TFE3: variants seen among roughly 807,000 people sequenced by gnomAD.
TFE3 encodes transcription factor binding to IGHM enhancer 3, also known as transcription factor E3.
A neutral mutation model predicts 35.0 loss-of-function variants in TFE3; 5 were observed. The ratio of observed to expected loss-of-function variants is 0.14; its 90% CI spans 0.07 to 0.30. The LOEUF is 0.30. Among genes scored for constraint, TFE3 ranks in the 10% least tolerant of loss-of-function variants. TFE3 has a pLI of 1.00. For synonymous variants in TFE3, 211 were observed against 215.6 expected, an observed-to-expected ratio of 0.98 and a Z score of 0.18; for missense variants, 374 against 496.6, an observed-to-expected ratio of 0.75 and a Z score of 2.35.
At position 49,030,574 on chromosome X, in the gene TFE3, C is replaced by G. The variant is rs782638809; in HGVS notation, c.1312G>C (p.Gly438Arg). 8.3e-7 allele frequency: 1 copy of G among 1,208,219 alleles called. No individual in the cohort carries two copies. Among genetic ancestry groups the G allele is most frequent in the Non-Finnish European group, 1.1e-6 (1 of 894,413 alleles). ...QELELQAQIH[G>R]LPVPPTPGLL... ...CCTGGAGTGGGAGGTACTGGCAGGC[C>G]ATGGATCTGGGCCTGCAGTTCTAGT... Residue 438 changes from glycine to arginine, a missense_variant, in exon 10 of 10, where the codon GGC becomes CGC. Gly to Arg is a moderately radical substitution (Grantham distance 125). This residue lies in a region of TFE3 where 167 missense variants were observed against 297.2 expected (regional missense o/e 0.56). Coordinates refer to ENST00000315869, the MANE Select transcript of TFE3 (RefSeq NM_006521.6).
intron 8 of TFE3, 83 bp from the exon 9 acceptor site, chrX:49,031,627 G>C: frequency 1.9e-6 from 2 of 1,028,227 alleles, no homozygotes; most frequent in Non-Finnish European, 2.6e-6. Context: ...CACCAGGTGG[G>C]AGCCTCCCAC....
chrX:49,037,718 G>T, intron 5 of TFE3: 15 of 166,509 alleles, frequency 9.0e-5, no homozygotes, highest in South Asian at 1.9e-4. Context: ...AAAAAAAAAA[G>T]ATTATCATCT....
Position 49,030,469 on chromosome X carries a change from C to T in TFE3, c.1417G>A (p.Gly473Ser), listed in dbSNP as rs782004079. 6.6e-6 allele frequency: 8 copies of T among 1,211,728 alleles called. No homozygotes were observed. The South Asian group carries it at 1.4e-4, about 21-fold the overall frequency. Residue 473 changes from glycine to serine, a missense_variant, in exon 10 of 10, where the codon GGC (glycine) becomes AGC (serine). Gly to Ser is a moderately conservative substitution (Grantham distance 56, BLOSUM62 0). Transcript: ENST00000315869. ...QLDIEEEGRP[G>S]AATFHVGGGP... ...CCCCCTACATGGAACGTTGCTGCGC[C>T]TGGCCTGCCCTCCTCCTCAATGTCC... is the stretch of plus-strand genomic sequence containing the variant.
chrX:49,029,257 C>A lies in TFE3; in HGVS notation c.*901G>T, dbSNP rs1423799452. On this transcript the variant is annotated 3_prime_UTR_variant, in exon 10 of 10. Coordinates refer to ENST00000315869, the MANE Select transcript of TFE3 (RefSeq NM_006521.6). ...TGCCCAAGGGTGGGGGCCTCTCACT[C>A]CAGATATAGGTCTGGAAAATTCATC... The A allele has an allele frequency of 5.6e-6, 1 of 177,280 alleles. No individual in the cohort carries two copies. Among genetic ancestry groups the A allele is most frequent in the Non-Finnish European group, 1.1e-5 (1 of 92,949 alleles). The allele number at this position is 177,280 out of a possible 1,213,427, so 14.6% of individuals were successfully genotyped here.
chrX:49,040,344 G>A (rs2064754112), intron 2 of TFE3, 111 bp downstream of exon 2: 2 of 545,173 alleles, frequency 3.7e-6, no homozygotes, highest in Non-Finnish European at 3.0e-6. Flanking sequence ...CCTAGAAAAC[G>A]CAGGCTGGTG....
At chrX:49,035,458 G>A (rs1395226352) in intron 5 of TFE3, among the ~76,000 whole-genome samples, 1 of 79,473 alleles carries the variant, frequency 1.3e-5, no homozygotes, top group Non-Finnish European at 2.3e-5. Flanking sequence ...CCAGGCTGGA[G>A]GGCAGTGGCG....
chrX:49,030,493 C>T lies in TFE3; in HGVS notation c.1393G>A (p.Asp465Asn). ...CCTGGCCTGCCCTCCTCCTCAATGT[C>T]CAGCTGCTCTGGCTTGAGGCTGTCA... ...ASDSLKPEQL[D>N]IEEEGRPGAA... is the part of the protein sequence containing the mutation. Residue 465 changes from aspartate to asparagine, a missense_variant, in exon 10 of 10, where the codon GAC becomes AAC. This residue lies in a region of TFE3 where 117 missense variants were observed against 111.9 expected (regional missense o/e 1.05). Transcript: ENST00000315869. The T allele has an allele frequency of 8.3e-7, 1 of 1,211,763 alleles. No individual in the cohort carries two copies. The highest frequency in any genetic ancestry group is 1.1e-6 in the Non-Finnish European group (1 of 895,465).
intron 1 of TFE3, 53 bp from the exon 2 acceptor site, chrX:49,040,621 C>T (rs2064755470): frequency 1.2e-6 from 1 of 847,816 alleles, no homozygotes; most frequent in Non-Finnish European, 1.7e-6. Flanking sequence ...CCTTATTCCC[C>T]AGCCCTCCCC....
intron 8 of TFE3, chrX:49,032,153 G>A (rs2064702793): frequency 8.9e-6 from 1 of 112,200 alleles, no homozygotes; most frequent in Admixed American, 9.5e-5. Flanking sequence ...GGTCTGTTTT[G>A]TTCCCTCTGG....
In TFE3 at chrX:49,030,294, CCCTCCT is replaced by C. The variant is rs782080222; in HGVS notation, c.1586_1591del (p.Glu529_Glu530del). On this transcript the variant is annotated inframe_deletion, in exon 10 of 10. Transcript: ENST00000315869. ...ACCCCCCGACAGTCCTCCCACCACC[CCCTCCT>C]CCTCCTCCATCAGAATGTCCTCCAG... is the stretch of plus-strand genomic sequence containing the variant. The C allele has an allele frequency of 8.3e-7, 1 of 1,205,112 alleles. No individual in the cohort carries two copies. The highest frequency in any genetic ancestry group is 1.1e-6 in the Non-Finnish European group (1 of 891,291).
chrX:49,034,954 G>GTT (rs113642613), intron 5 of TFE3, among the ~76,000 whole-genome samples: 139 of 102,011 alleles, frequency 1.4e-3, no homozygotes, highest in South Asian at 2.2e-3. Context: ...TGTCAGCCTA[G>GTT]TTTTTTTTTT....
intron 8 of TFE3, among the ~76,000 whole-genome samples, chrX:49,032,537 T>G (rs1460035191): frequency 9.0e-6 from 1 of 110,534 alleles, no homozygotes; most frequent in Non-Finnish European, 1.9e-5. Flanking sequence ...CACGCCCCGC[T>G]AATTTTTATA....
chrX:49,033,360 A>T, intron 8 of TFE3, 105 bp downstream of exon 8: 1 of 724,696 alleles, frequency 1.4e-6, no homozygotes, highest in East Asian at 3.3e-5. Flanking sequence ...CAGAGGAGAA[A>T]TGCCTGGGCC....
chrX:49,035,008 G>A (rs782532797), intron 5 of TFE3, among the ~76,000 whole-genome samples: 3 of 108,929 alleles, frequency 2.8e-5, no homozygotes, highest in African/African-American at 6.7e-5. Context: ...AGAGGAGCAC[G>A]TCAATCTTAA....
At chrX:49,032,376 A>T (rs894669170) in intron 8 of TFE3, among the ~76,000 whole-genome samples, 1 of 110,941 alleles carries the variant, frequency 9.0e-6, no homozygotes, top group Non-Finnish European at 1.9e-5. Context: ...CTGAGATGAC[A>T]GGCCTACGCC....
chrX:49,042,253 G>A (rs1252876017), intron 1 of TFE3, among the ~76,000 whole-genome samples: 2 of 111,406 alleles, frequency 1.8e-5, no homozygotes, highest in Middle Eastern at 4.2e-3. Context: ...AAAGAAAAGG[G>A]GTGTGGGGCT....
At position 49,031,327 on chromosome X, in the gene TFE3, GCT is replaced by G. The variant is rs201404042; in HGVS notation, c.1284+68_1284+69del. The stretch of plus-strand genomic sequence containing the variant: ...ATGCCAGGAAGGGAAACCCTGGCCT[GCT>G]CTCTCTCTGCCTCCACCTGCAGGAA... On this transcript the variant is annotated intron_variant, in intron 9 of 9. Coordinates refer to ENST00000315869, the MANE Select transcript of TFE3 (RefSeq NM_006521.6). The G allele has an allele frequency of 3.6e-3, 3,979 of 1,106,462 alleles. 101 individuals carry two copies. The African/African-American group carries it at 0.065, about 18-fold the overall frequency. 91.2% of individuals were successfully genotyped at this position (1,106,462 alleles called of 1,213,427 possible). A position where few individuals can be genotyped will look rare whatever the true frequency, so the allele number is the denominator to read the frequency against.
At position 49,030,530 on chromosome X, in the gene TFE3, C is replaced by T. The variant is rs782740611; in HGVS notation, c.1356G>A (p.Thr452=). The change falls in exon 10 of 10, where the codon ACG becomes ACA. Residue 452 remains threonine (T), a synonymous_variant. Transcript: ENST00000315869. ...GCTTGAGGCTGTCAGAAGCCGAAGT[C>T]GTGGCCAAGGAAAGCAGCCCTGGAG... ...PPTPGLLSLA[T]TSASDSLKPE... is the part of the protein sequence containing the mutation. The T allele has an allele frequency of 7.4e-6, 9 of 1,211,626 alleles. No individual in the cohort carries two copies. The East Asian group carries it at 1.2e-4, about 16-fold the overall frequency.
intron 9 of TFE3, 128 bp downstream of exon 9, chrX:49,031,269 G>A: frequency 1.1e-5 from 7 of 666,595 alleles, no homozygotes; most frequent in East Asian, 3.7e-5. Context: ...TATCATCATC[G>A]TGTGATCTGG....
Sources: allele counts gnomAD v4.1 joint callset (sites outside exome capture counted in the v4.1 genomes callset), GRCh38; gene constraint gnomAD v4.1.1; regional missense constraint gnomAD v4.1.1; transcripts MANE v1.5; gene names NCBI Gene and HGNC (gene_info 2026-07-23, HGNC 2026-07-21).